The following INPP5A variants were observed in gnomAD, a reference collection of about 807,000 sequenced individuals.
INPP5A encodes inositol polyphosphate-5-phosphatase A.
INPP5A carries 14 observed loss-of-function variants against 65.2 expected under a neutral mutation model. The ratio of observed to expected loss-of-function variants is 0.21; its 90% CI spans 0.14 to 0.34. The LOEUF (loss-of-function observed/expected upper bound fraction) is 0.34, where lower values mean the gene tolerates loss of function less well. INPP5A is among the 10% of genes least tolerant of loss of function. The pLI, the probability that INPP5A is intolerant of heterozygous loss-of-function variation, is 1.00. For synonymous variants in INPP5A, 207 were observed against 208.3 expected, an observed-to-expected ratio of 0.99 and a Z score of 0.05; for missense variants, 431 against 545.6, an observed-to-expected ratio of 0.79 and a Z score of 2.09.
intron 7 of INPP5A, 158 bp downstream of exon 7, chr10:132,708,523 T>A (rs1291069064): frequency 1.3e-6 from 1 of 787,620 alleles, no homozygotes; most frequent in Admixed American, 1.7e-5. Context: ...ACCCTTTTGG[T>A]TCACGGCGAT....
At chr10:132,574,438 G>A (rs1010812810) in intron 1 of INPP5A, among the ~76,000 whole-genome samples, 7 of 150,436 alleles carry the variant, frequency 4.7e-5, no homozygotes, top group Admixed American at 3.3e-4. Flanking sequence ...TGTGTGTGCC[G>A]TGTGAGGTTT....
intron 2 of INPP5A, among the ~76,000 whole-genome samples, chr10:132,636,175 G>C (rs1168474423): frequency 3.3e-5 from 5 of 151,854 alleles, no homozygotes; most frequent in African/African-American, 4.8e-5. Flanking sequence ...GTGTGTGTGT[G>C]TGTGTGTGTG....
intron 2 of INPP5A, among the ~76,000 whole-genome samples, chr10:132,633,601 A>T (rs2072301858): frequency 6.6e-6 from 1 of 152,136 alleles, no homozygotes; most frequent in Admixed American, 6.6e-5. Flanking sequence ...GTTGGTAAGA[A>T]ACAGAGATTC....
chr10:132,650,763 G>C lies in INPP5A; in HGVS notation c.306+258G>C, dbSNP rs2072566012. 6.6e-6 allele frequency among the ~76,000 whole-genome samples: 1 copy of C among 152,200 alleles called. No individual in the cohort carries two copies. The highest frequency in any genetic ancestry group is 1.5e-5 in the Non-Finnish European group (1 of 68,034). ...CAAGCCCAAGAGGGAATTGGGGAGT[G>C]ACAGGTGGGGAGAGGCCCAGGGCCT... On this transcript the variant is annotated intron_variant, in intron 4 of 15. Transcript: ENST00000368594. The surrounding 1 kb of genome is among the most constrained non-coding windows in gnomAD (Gnocchi z 5.5).
chr10:132,743,140 T>A lies in INPP5A; in HGVS notation c.733-6377T>A, dbSNP rs75010587. Among the ~76,000 whole-genome samples, 4 of 143,980 alleles carry A rather than the reference T, an allele frequency of 2.8e-5. No individual in the cohort carries two copies. In the South Asian group the frequency reaches 6.8e-4, roughly 24 times the overall value. The allele number at this position is 143,980 out of a possible 152,430, so 94.5% of individuals were successfully genotyped here. On this transcript the variant is annotated intron_variant, in intron 9 of 15. Coordinates refer to ENST00000368594, the MANE Select transcript of INPP5A (RefSeq NM_005539.5). Reference sequence around the variant, plus strand: ...ATGTGTCTTCAAGGCCACCCACCAGTGCTGCACTCAGCCCCAGCAGGGACT... The same window carrying A: ...ATGTGTCTTCAAGGCCACCCACCAGAGCTGCACTCAGCCCCAGCAGGGACT...
At chr10:132,590,855 C>T (rs867195765) in intron 1 of INPP5A, among the ~76,000 whole-genome samples, 2 of 152,094 alleles carry the variant, frequency 1.3e-5, no homozygotes, top group East Asian at 1.9e-4. Context: ...TTGCTCGCTC[C>T]GTGGTTAGCT....
intron 1 of INPP5A, among the ~76,000 whole-genome samples, chr10:132,583,798 T>G (rs1387534119): frequency 1.3e-5 from 2 of 152,140 alleles, no homozygotes; most frequent in African/African-American, 4.8e-5. Context: ...AAATCTATTT[T>G]GGGCCAGGCA....
intron 1 of INPP5A, among the ~76,000 whole-genome samples, chr10:132,567,541 G>A (rs1384275677): frequency 6.6e-6 from 1 of 152,148 alleles, no homozygotes; most frequent in Non-Finnish European, 1.5e-5. Context: ...ACCATGCTTC[G>A]TTTGTCAGAG....
At chr10:132,645,192 C>T (rs1042825642) in intron 2 of INPP5A, among the ~76,000 whole-genome samples, 28 of 139,838 alleles carry the variant, frequency 2.0e-4, no homozygotes, top group Non-Finnish European at 3.3e-4. Context: ...AGAGACATGT[C>T]GGGGGCCTGG....
At chr10:132,595,465 A>G (rs1195954978) in intron 1 of INPP5A, among the ~76,000 whole-genome samples, 1 of 152,194 alleles carries the variant, frequency 6.6e-6, no homozygotes, top group East Asian at 1.9e-4. Context: ...GTCCTCACCT[A>G]CATTGTGGTG....
rs1369372688 is a variant in INPP5A at position 132,625,874 on chromosome 10, GTGTT to G, written c.117+17922_117+17925del. The stretch of plus-strand genomic sequence containing the variant: ...TGTGTGTGTGTGTGTGTGTGTGTGT[GTGTT>G]TGTGTGTGTGTGTGTACAGTGTTTG... On this transcript the variant is annotated intron_variant, in intron 2 of 15. Transcript: ENST00000368594. 6.7e-3 allele frequency among the ~76,000 whole-genome samples: 908 copies of G among 135,754 alleles called. 13 individuals carry two copies. Among genetic ancestry groups the G allele is most frequent in the African/African-American group, 0.024 (852 of 35,742 alleles). The allele number at this position is 135,754 out of a possible 152,430, so 89.1% of individuals were successfully genotyped here.
At chr10:132,594,585 G>A (rs1242634307) in intron 1 of INPP5A, among the ~76,000 whole-genome samples, 8 of 151,766 alleles carry the variant, frequency 5.3e-5, no homozygotes, top group Non-Finnish European at 1.2e-4. Context: ...ATGCATAGGT[G>A]TGTGGTATGT....
rs1304156531 is a variant in INPP5A, at chr10:132,734,482, G to A, written c.732+7577G>A. Among the ~76,000 whole-genome samples the A allele has an allele frequency of 2.6e-5, 4 of 152,242 alleles. No individual in the cohort carries two copies. The East Asian group carries it at 5.8e-4, about 22-fold the overall frequency. ...CCTGGGCAGAGTGCGGATTCGCAGC[G>A]TTTCCAGCTGCTCAGCTGAGCAGGT... On this transcript the variant is annotated intron_variant, in intron 9 of 15. Coordinates refer to ENST00000368594, the MANE Select transcript of INPP5A (RefSeq NM_005539.5).
chr10:132,595,235 G>A (rs2071670455), intron 1 of INPP5A, among the ~76,000 whole-genome samples: 1 of 152,244 alleles, frequency 6.6e-6, no homozygotes, highest in South Asian at 2.1e-4. Flanking sequence ...GAGGAAGGGG[G>A]CCAGGGCATG....
chr10:132,715,252 G>C (rs1372815920), intron 8 of INPP5A, among the ~76,000 whole-genome samples: 2 of 152,216 alleles, frequency 1.3e-5, no homozygotes, highest in African/African-American at 4.8e-5. Context: ...TCTCCCCTCT[G>C]AAATGTGGCC....
chr10:132,625,927 A>G (rs2072178293), intron 2 of INPP5A, among the ~76,000 whole-genome samples: 1 of 152,126 alleles, frequency 6.6e-6, no homozygotes, highest in Non-Finnish European at 1.5e-5. Context: ...GTTTATACAC[A>G]GTAAAATATA....
rs1324296559 is a variant in INPP5A at position 132,753,727 on chromosome 10, T to G, written c.903+3882T>G. 6.6e-6 allele frequency: 1 copy of G among 152,176 alleles called. No homozygotes were observed. The highest frequency in any genetic ancestry group is 1.5e-5 in the Non-Finnish European group (1 of 68,038). The allele number at this position is 152,176 out of a possible 1,614,324, so 9.4% of individuals were successfully genotyped here. A position where few individuals can be genotyped will look rare whatever the true frequency, so the allele number is the denominator to read the frequency against. ...TGTTTTCTGTGTGTTTAGCAACCGC[T>G]GTAGCCCCAGGTGCATTGATTTTCT... On this transcript the variant is annotated intron_variant, in intron 11 of 15. Transcript: ENST00000368594. This position sits in a 1 kb window ranked among gnomAD's most constrained non-coding sequence, Gnocchi z 5.3.
At chr10:132,733,081 C>G (rs1228154768) in intron 9 of INPP5A, among the ~76,000 whole-genome samples, 2 of 152,214 alleles carry the variant, frequency 1.3e-5, no homozygotes, top group Non-Finnish European at 2.9e-5. Flanking sequence ...ACAGGTGGCC[C>G]AGATGGCCCT....
At chr10:132,653,962 C>A (rs1397036579) in intron 4 of INPP5A, among the ~76,000 whole-genome samples, 1 of 152,182 alleles carries the variant, frequency 6.6e-6, no homozygotes, top group Non-Finnish European at 1.5e-5. Flanking sequence ...GGCCTGGCAG[C>A]CCATTCTTCA....
Sources: allele counts gnomAD v4.1 joint callset (sites outside exome capture counted in the v4.1 genomes callset), GRCh38; gene constraint gnomAD v4.1.1; non-coding constraint Gnocchi (gnomAD v3.1); transcripts MANE v1.5; gene names NCBI Gene and HGNC (gene_info 2026-07-23, HGNC 2026-07-21).